MSH3: variants seen among roughly 807,000 people sequenced by gnomAD.
MSH3 encodes DNA mismatch repair protein Msh3.
A neutral mutation model predicts 123.3 loss-of-function variants in MSH3; 106 were observed. The ratio of observed to expected loss-of-function variants is 0.86; its 90% CI spans 0.73 to 1.01. MSH3 has a LOEUF of 1.01. Ranked by LOEUF, MSH3 falls within the 50% of genes least tolerant of loss-of-function variation. The pLI is 0.00. For missense variants in MSH3, 1,459 were observed against 1,347.6 expected, an observed-to-expected ratio of 1.08 and a Z score of -1.29; for synonymous variants, 515 against 481.4, an observed-to-expected ratio of 1.07 and a Z score of -0.91.
intron 10 of MSH3, among the ~76,000 whole-genome samples, chr5:80,730,700 G>C (rs17206221): frequency 0.031 from 4,706 of 151,824 alleles, 117 homozygotes; most frequent in Non-Finnish European, 0.051. Flanking sequence ...TCATGATAGG[G>C]ACCCTGTAAG....
At chr5:80,719,485 C>T (rs1390883045) in intron 8 of MSH3, among the ~76,000 whole-genome samples, 1 of 152,178 alleles carries the variant, frequency 6.6e-6, no homozygotes, top group Non-Finnish European at 1.5e-5. Context: ...CTTTTTCAGT[C>T]TGACATCTAT....
chr5:80,688,554 G>A (rs1045634168), intron 8 of MSH3, among the ~76,000 whole-genome samples: 2 of 152,090 alleles, frequency 1.3e-5, no homozygotes, highest in African/African-American at 2.4e-5. Context: ...ATTACTTTAT[G>A]TTATTGTACT....
intron 8 of MSH3, among the ~76,000 whole-genome samples, chr5:80,684,113 A>G (rs551118572): frequency 6.6e-6 from 1 of 152,278 alleles, no homozygotes; most frequent in African/African-American, 2.4e-5. Context: ...GAAGTCAGGT[A>G]ATGTGATACC....
At chr5:80,690,061 T>C (rs891138900) in intron 8 of MSH3, among the ~76,000 whole-genome samples, 8 of 152,052 alleles carry the variant, frequency 5.3e-5, no homozygotes, top group African/African-American at 1.9e-4. Context: ...TACTCAGGCA[T>C]GCACCACCCC....
At chr5:80,694,452 T>A (rs1314334429) in intron 8 of MSH3, among the ~76,000 whole-genome samples, 1 of 152,140 alleles carries the variant, frequency 6.6e-6, no homozygotes, top group Non-Finnish European at 1.5e-5. Flanking sequence ...ATTTATAATA[T>A]AATTACCTTA....
At position 80,775,767 on chromosome 5, in the gene MSH3, A is replaced by T; in HGVS notation, c.2318+9A>T. The T allele has an allele frequency of 6.4e-7, 1 of 1,553,444 alleles. No individual in the cohort carries two copies. The highest frequency in any genetic ancestry group is 8.9e-7 in the Non-Finnish European group (1 of 1,125,526). On this transcript the variant is annotated intron_variant, in intron 16 of 23. Transcript: ENST00000265081. ...TGGGTAAAGGTTGGAAGGTAGGTTT[A>T]AAATAAATTTTTTTCTTACAATGCA... is the stretch of plus-strand genomic sequence containing the variant.
chr5:80,791,086 G>A (rs1201797340), intron 18 of MSH3, among the ~76,000 whole-genome samples: 2 of 152,126 alleles, frequency 1.3e-5, no homozygotes, highest in East Asian at 1.9e-4. Flanking sequence ...GTCCTGTTTT[G>A]CTGAAAGATG....
At chr5:80,835,707 G>A (rs959213453) in intron 20 of MSH3, among the ~76,000 whole-genome samples, 3 of 152,066 alleles carry the variant, frequency 2.0e-5, no homozygotes, top group African/African-American at 7.2e-5. Context: ...TTGAGGTCAG[G>A]AGTTCGAGAC....
At chr5:80,730,894 A>ATATATT (rs1554070428) in intron 10 of MSH3, among the ~76,000 whole-genome samples, 5 of 127,766 alleles carry the variant, frequency 3.9e-5, no homozygotes, top group East Asian at 2.2e-4. Context: ...ATATATATAT[A>ATATATT]TTTTTTTTTT....
intron 19 of MSH3, among the ~76,000 whole-genome samples, chr5:80,808,774 T>C (rs1185332742): frequency 6.7e-6 from 1 of 150,144 alleles, no homozygotes; most frequent in African/African-American, 2.4e-5. Flanking sequence ...TTCTGTGTAG[T>C]TCAATATAAA....
At chr5:80,664,482 TA>T (rs6151605) in intron 2 of MSH3, among the ~76,000 whole-genome samples, 42,127 of 151,976 alleles carry the variant, frequency 0.28, 6,073 homozygotes, top group Middle Eastern at 0.35. Flanking sequence ...TCTGTGTTCC[TA>T]ATCGTCCTTC....
At chr5:80,768,261 A>T (rs1561471397) in intron 14 of MSH3, 141 bp downstream of exon 14, 1 of 848,030 alleles carries the variant, frequency 1.2e-6, no homozygotes, top group East Asian at 2.6e-5. Flanking sequence ...ATGTGATTGG[A>T]CCCTAAAAGT....
chr5:80,681,582 A>T (rs965083587), intron 8 of MSH3, among the ~76,000 whole-genome samples: 1 of 151,778 alleles, frequency 6.6e-6, no homozygotes, highest in Non-Finnish European at 1.5e-5. Flanking sequence ...TGGATAAATT[A>T]TGATTTCCTG....
intron 21 of MSH3, chr5:80,855,873 C>CTTTTTTTTTTTTTTTTTTTTTTTTTT (rs5869058): frequency 9.3e-6 from 1 of 107,136 alleles, no homozygotes; most frequent in Non-Finnish European, 1.8e-5. Flanking sequence ...TCCTCCTCCT[C>CTTTTTTTTTTTTTTTTTTTTTTTTTT]TTTTTTTTTT....
intron 20 of MSH3, among the ~76,000 whole-genome samples, chr5:80,820,597 ACT>A (rs368278427): frequency 3.9e-5 from 6 of 152,288 alleles, no homozygotes; most frequent in African/African-American, 1.2e-4. Context: ...TGTTGACATA[ACT>A]CTGTTTCTTA....
rs1554066080 is a variant in MSH3 at position 80,654,908 on chromosome 5, G to GCAGCGGCCCCAGCGCCCCCAGCGCCCC, written c.186_187insGCCCCAGCGCCCCCAGCGCCCCCAGCG (p.Ala62_Pro63insAlaProAlaProProAlaProProAla). ...AGCGGCTGCAGCGGCCGCAGCGGCC[G>GCAGCGGCCCCAGCGCCCCCAGCGCCCC]CAGCGCCCCCAGCGCCCCCAGCTCC... On this transcript the variant is annotated inframe_insertion, in exon 1 of 24. Transcript: ENST00000265081. The GCAGCGGCCCCAGCGCCCCCAGCGCCCC allele has an allele frequency of 1.3e-6, 2 of 1,532,702 alleles. No homozygotes were observed. The highest frequency in any genetic ancestry group is 3.0e-5 in the African/African-American group (2 of 66,132). The allele number at this position is 1,532,702 out of a possible 1,614,324, so 94.9% of individuals were successfully genotyped here. A position where few individuals can be genotyped will look rare whatever the true frequency, so the allele number is the denominator to read the frequency against.
Position 80,718,663 on chromosome 5 carries a change from A to G in MSH3, c.1341-6790A>G, listed in dbSNP as rs560628335. Among the ~76,000 whole-genome samples the G allele has an allele frequency of 4.7e-5, 7 of 149,716 alleles. No homozygotes were observed. The South Asian group carries it at 1.5e-3, about 31-fold the overall frequency. ...ATAAAATTCAGGTTTTTTTTTTTTCATAGAAGAGGAAGAGAACTTTGTAGA... is the reference window on the plus strand; with the variant it reads ...ATAAAATTCAGGTTTTTTTTTTTTCGTAGAAGAGGAAGAGAACTTTGTAGA... On this transcript the variant is annotated intron_variant, in intron 8 of 23. Transcript: ENST00000265081.
intron 19 of MSH3, among the ~76,000 whole-genome samples, chr5:80,799,294 A>G (rs1208218558): frequency 6.6e-6 from 1 of 152,152 alleles, no homozygotes; most frequent in African/African-American, 2.4e-5. Flanking sequence ...TTAAAAGTGC[A>G]AAGATTTGGC....
chr5:80,792,927 T>C (rs990765619), intron 19 of MSH3, 83 bp downstream of exon 19: 16 of 907,432 alleles, frequency 1.8e-5, no homozygotes, highest in Non-Finnish European at 2.8e-5. Context: ...TAATTAAAAG[T>C]TACCCAAATT....
Sources: allele counts gnomAD v4.1 joint callset (sites outside exome capture counted in the v4.1 genomes callset), GRCh38; gene constraint gnomAD v4.1.1; transcripts MANE v1.5; gene names NCBI Gene and HGNC (gene_info 2026-07-23, HGNC 2026-07-21).